Variants in LRRC27 observed in about 807,000 individuals in gnomAD.
The protein encoded by LRRC27 is leucine-rich repeat-containing protein 27.
A neutral mutation model predicts 55.0 loss-of-function variants in LRRC27; 57 were observed. The observed-to-expected ratio is 1.04, with a 90% CI of 0.84 to 1.29. The LOEUF (loss-of-function observed/expected upper bound fraction) is 1.29. Among genes scored for constraint, LRRC27 ranks in the 50% most tolerant of loss-of-function variants. The pLI is 0.00. For synonymous variants in LRRC27, 278 were observed against 251.9 expected, an observed-to-expected ratio of 1.10 and a Z score of -0.98; for missense variants, 721 against 651.5, an observed-to-expected ratio of 1.11 and a Z score of -1.16.
upstream of LRRC27, chr10:132,331,534 G>A (rs1331042961): frequency 6.2e-7 from 1 of 1,612,816 alleles, no homozygotes; most frequent in Admixed American, 1.7e-5. Flanking sequence ...AAGTCCTGAG[G>A]CAAGATTTGG....
At position 132,351,246 on chromosome 10, in the gene LRRC27, C is replaced by T. The variant is rs903697030; in HGVS notation, c.927-361C>T. The T allele has an allele frequency of 5.4e-5, 10 of 183,540 alleles. No individual in the cohort carries two copies. In the East Asian group the frequency reaches 1.0e-3, roughly 19 times the overall value. The allele number at this position is 183,540 out of a possible 1,614,324, so 11.4% of individuals were successfully genotyped here. On this transcript the variant is annotated intron_variant, in intron 6 of 10. Transcript: ENST00000368614. ...CTGCTGGCCAGGCCCCCTGCTTCCG[C>T]GGGCATCTCTGTCCAGGTCAGACAA...
intron 8 of LRRC27, among the ~76,000 whole-genome samples, chr10:132,358,708 T>C (rs551132015): frequency 6.1e-4 from 20 of 32,882 alleles, no homozygotes; most frequent in Non-Finnish European, 8.9e-4. Flanking sequence ...GGTAGAGCAG[T>C]GTGGGGAGGA....
intron 3 of LRRC27, 102 bp downstream of exon 3, chr10:132,337,797 G>A (rs1191057289): frequency 1.8e-5 from 24 of 1,359,982 alleles, no homozygotes; most frequent in East Asian, 7.0e-5. Context: ...TTTTTACCTC[G>A]GAATAGAAAC....
intron 7 of LRRC27, chr10:132,353,262 G>C: frequency 7.9e-7 from 1 of 1,262,888 alleles, no homozygotes; most frequent in Non-Finnish European, 1.0e-6. Flanking sequence ...CCCTCCTTCT[G>C]GGTTCCGACA....
intron 7 of LRRC27, chr10:132,352,853 C>A: frequency 6.2e-7 from 1 of 1,612,652 alleles, no homozygotes. Flanking sequence ...CTTTCTTGTT[C>A]TTTTCCCTCA....
intron 7 of LRRC27, chr10:132,352,791 G>A (rs998692408): frequency 3.5e-6 from 5 of 1,427,618 alleles, no homozygotes; most frequent in South Asian, 1.2e-5. Context: ...CAGTGCTCGC[G>A]GTCGCCCCCT....
intron 9 of LRRC27, among the ~76,000 whole-genome samples, chr10:132,364,428 C>CACTTACACTCAT (rs1564853344): frequency 6.8e-6 from 1 of 147,140 alleles, no homozygotes; most frequent in Non-Finnish European, 1.5e-5. Context: ...CTTACACCCA[C>CACTTACACTCAT]GCTTACATCT....
At position 132,336,131 on chromosome 10, in the gene LRRC27, A is replaced by G. The variant is rs1039593986; in HGVS notation, c.211-1434A>G. Among the ~76,000 whole-genome samples the G allele has an allele frequency of 4.6e-5, 7 of 152,356 alleles. No individual in the cohort carries two copies. The South Asian group carries it at 1.4e-3, about 32-fold the overall frequency. ...GCATTTCCAGAGGTGCTGGGGAGGA[A>G]GAAGAGTGTTATCTTTCTGAGATTC... On this transcript the variant is annotated intron_variant, in intron 2 of 10. Coordinates refer to ENST00000368614, the MANE Select transcript of LRRC27 (RefSeq NM_030626.3).
chr10:132,331,954 G>T (rs1362390230), upstream of LRRC27: 14 of 514,226 alleles, frequency 2.7e-5, no homozygotes, highest in South Asian at 3.0e-4. Context: ...CCCCAGCGCA[G>T]GCGCACCACA....
intron 9 of LRRC27, among the ~76,000 whole-genome samples, chr10:132,363,717 C>A (rs190086168): frequency 7.9e-5 from 12 of 152,326 alleles, no homozygotes; most frequent in Admixed American, 3.9e-4. Flanking sequence ...GGGCCTGGCC[C>A]CGGCCCTGCT....
At chr10:132,346,305 A>G (rs1194818033) in intron 5 of LRRC27, among the ~76,000 whole-genome samples, 4 of 152,164 alleles carry the variant, frequency 2.6e-5, no homozygotes, top group East Asian at 1.9e-4. Context: ...ACTCTTTTCT[A>G]TTAGGTTTTA....
Position 132,348,416 on chromosome 10 carries a change from A to C in LRRC27, c.926+60A>C, listed in dbSNP as rs1029171346. The C allele has an allele frequency of 2.6e-6, 4 of 1,559,820 alleles. No homozygotes were observed. Among genetic ancestry groups the C allele is most frequent in the Middle Eastern group, 1.7e-4 (1 of 5,812 alleles). On this transcript the variant is annotated intron_variant, in intron 6 of 10. Transcript: ENST00000368614. The surrounding 1 kb of genome is among the most constrained non-coding windows in gnomAD (Gnocchi z 4.2). The stretch of plus-strand genomic sequence containing the variant: ...CTTTGCGAATTTATACAGTTATTTT[A>C]AATTATCTTTGAAAACATCAGGTCC...
At chr10:132,370,778 C>T (rs1375148469) in intron 10 of LRRC27, among the ~76,000 whole-genome samples, 1 of 152,184 alleles carries the variant, frequency 6.6e-6, no homozygotes, top group Non-Finnish European at 1.5e-5. Context: ...TTCAAATGAC[C>T]CTCCCTTTTT....
intron 5 of LRRC27, among the ~76,000 whole-genome samples, chr10:132,346,433 T>A (rs1033294242): frequency 6.6e-6 from 1 of 152,188 alleles, no homozygotes; most frequent in African/African-American, 2.4e-5. Context: ...TCCCAGCACT[T>A]TGGGAGGCCG....
intron 2 of LRRC27, chr10:132,337,128 G>T: frequency 8.3e-7 from 1 of 1,209,666 alleles, no homozygotes; most frequent in Non-Finnish European, 1.0e-6. Flanking sequence ...GATTGAGTTG[G>T]GCTGAGTCCC....
rs756452114 is a variant in LRRC27 at position 132,348,973 on chromosome 10, C to T, written c.926+617C>T. The stretch of plus-strand genomic sequence containing the variant: ...TCCTTTCACACCCAGGACAAGGGTC[C>T]CTAGGAAACAGGCTCTGCAGAGACT... On this transcript the variant is annotated intron_variant, in intron 6 of 10. Transcript: ENST00000368614. This position sits in a 1 kb window ranked among gnomAD's most constrained non-coding sequence, Gnocchi z 4.2. 1.3e-5 allele frequency: 21 copies of T among 1,607,116 alleles called. No homozygotes were observed. The East Asian group carries it at 4.0e-4, about 31-fold the overall frequency.
At chr10:132,333,048 G>C (rs1207282288) in intron 1 of LRRC27, among the ~76,000 whole-genome samples, 1 of 152,154 alleles carries the variant, frequency 6.6e-6, no homozygotes, top group Non-Finnish European at 1.5e-5. Flanking sequence ...ACAAAAGACA[G>C]GCTTCCTGGC....
Position 132,344,642 on chromosome 10 carries a change from C to T in LRRC27, c.545C>T (p.Thr182Ile), listed in dbSNP as rs1208932910. 10 of 1,613,826 alleles carry T rather than the reference C, an allele frequency of 6.2e-6. No homozygotes were observed. Among genetic ancestry groups the T allele is most frequent in the Non-Finnish European group, 7.6e-6 (9 of 1,179,748 alleles). The change falls in exon 5 of 11, where the codon ACT becomes ATT. Residue 182 changes from threonine (T) to isoleucine (I), a missense_variant. By Grantham distance (89) the Thr-to-Ile change is moderately conservative. Coordinates refer to ENST00000368614, the MANE Select transcript of LRRC27 (RefSeq NM_030626.3). ...GAACACTCTCTCCCCAGAAATCCAA[C>T]TTCTCAAGGTTTGTAGGAGGTGATT... Reference protein sequence around the residue: ...AVEHSLPRNPTSQEAPPVREM... With the variant: ...AVEHSLPRNPISQEAPPVREM...
Position 132,342,132 on chromosome 10 carries a change from TGAA to T in LRRC27, c.342-77_342-75del, listed in dbSNP as rs1429899638. On this transcript the variant is annotated intron_variant, in intron 3 of 10. Coordinates refer to ENST00000368614, the MANE Select transcript of LRRC27 (RefSeq NM_030626.3). ...AGTTGCCCCTGAAAGAGAAGAAAAA[TGAA>T]GAAACTTGATGGTATATTTTGGAGA... 55 of 876,620 alleles carry T rather than the reference TGAA, an allele frequency of 6.3e-5. No homozygotes were observed. In the South Asian group the frequency reaches 8.3e-4, roughly 13 times the overall value. The allele number at this position is 876,620 out of a possible 1,614,324, so 54.3% of individuals were successfully genotyped here.
Sources: allele counts gnomAD v4.1 joint callset (sites outside exome capture counted in the v4.1 genomes callset), GRCh38; gene constraint gnomAD v4.1.1; non-coding constraint Gnocchi (gnomAD v3.1); transcripts MANE v1.5; gene names NCBI Gene and HGNC (gene_info 2026-07-23, HGNC 2026-07-21).